The following LSP1 variants were observed in gnomAD, a reference collection of about 807,000 sequenced individuals.
The protein encoded by LSP1 is lymphocyte specific protein 1.
A neutral mutation model predicts 49.3 loss-of-function variants in LSP1; 32 were observed. The observed-to-expected ratio is 0.65, with a 90% CI of 0.49 to 0.87. LSP1 has a LOEUF of 0.87. Ranked by LOEUF, LSP1 falls within the 40% of genes least tolerant of loss-of-function variation. The probability of loss-of-function intolerance (pLI) is 0.00; values close to 1 mark genes in which losing one functional copy is unlikely to be tolerated. For missense variants in LSP1, 428 were observed against 442.6 expected (o/e 0.97, Z 0.30); for synonymous variants, 179 against 178.8 (o/e 1.00, Z -0.01).
intron 3 of LSP1, among the ~76,000 whole-genome samples, chr11:1,882,888 G>A (rs1210257946): frequency 3.3e-5 from 5 of 152,210 alleles, no homozygotes; most frequent in Non-Finnish European, 7.4e-5. Flanking sequence ...GCTGCCAGCT[G>A]GCTGGCCTCC....
chr11:1,889,693 G>T, intron 10 of LSP1: 1 of 638,942 alleles, frequency 1.6e-6, no homozygotes, highest in South Asian at 1.8e-5. Flanking sequence ...CCAGCCATCG[G>T]GGGCTCCTCC....
At chr11:1,863,791 G>A (rs1007721838) in intron 1 of LSP1, among the ~76,000 whole-genome samples, 20 of 152,278 alleles carry the variant, frequency 1.3e-4, no homozygotes, top group Non-Finnish European at 1.3e-4. Flanking sequence ...GAGGGCACCA[G>A]GCCCACTTTG....
chr11:1,855,926 A>AG (rs1169214650), intron 1 of LSP1, among the ~76,000 whole-genome samples: 1 of 152,186 alleles, frequency 6.6e-6, no homozygotes, highest in East Asian at 1.9e-4. Flanking sequence ...CCTGGTCCAC[A>AG]GCTGGGGAGG....
chr11:1,875,614 G>A (rs1848274448), intron 1 of LSP1, among the ~76,000 whole-genome samples: 3 of 152,340 alleles, frequency 2.0e-5, no homozygotes, highest in Middle Eastern at 6.8e-3. Flanking sequence ...TGCTCACTGC[G>A]GCGTCTCCCT....
At chr11:1,889,952 A>G in intron 10 of LSP1, 1 of 626,916 alleles carries the variant, frequency 1.6e-6, no homozygotes, top group South Asian at 1.9e-5. Flanking sequence ...TTGGGGTGGC[A>G]TCTCCATCCT....
At chr11:1,859,105 G>T (rs1185569105) in intron 1 of LSP1, among the ~76,000 whole-genome samples, 1 of 152,182 alleles carries the variant, frequency 6.6e-6, no homozygotes, top group African/African-American at 2.4e-5. Context: ...GGGCCGCTCT[G>T]GTGGGGCATT....
chr11:1,860,702 T>C (rs879509672), intron 1 of LSP1, among the ~76,000 whole-genome samples: 2 of 152,250 alleles, frequency 1.3e-5, no homozygotes, highest in Admixed American at 1.3e-4. Context: ...CCTGTGCATA[T>C]TGGCTGATCA....
chr11:1,869,312 C>T (rs1015048299), intron 1 of LSP1: 9 of 288,862 alleles, frequency 3.1e-5, no homozygotes, highest in Non-Finnish European at 6.2e-5. Context: ...GGTCTCTTGA[C>T]GAGAACAAAC....
intron 1 of LSP1, among the ~76,000 whole-genome samples, chr11:1,854,300 AG>A (rs1300848088): frequency 6.6e-6 from 1 of 152,130 alleles, no homozygotes; most frequent in African/African-American, 2.4e-5. Flanking sequence ...GAGGAGGCCC[AG>A]GGTGACGCTC....
chr11:1,885,437 C>T (rs1391909740), intron 7 of LSP1, among the ~76,000 whole-genome samples: 5 of 152,074 alleles, frequency 3.3e-5, no homozygotes, highest in Non-Finnish European at 7.4e-5. Context: ...ATTCAGTGCT[C>T]CTCCATTCAA....
chr11:1,861,610 G>T lies in LSP1; in HGVS notation c.53+8413G>T, dbSNP rs139223912. On this transcript the variant is annotated intron_variant, in intron 1 of 10. Coordinates refer to ENST00000311604, the MANE Select transcript of LSP1 (RefSeq NM_002339.3). ...GGTTGGATGGATGGATGAATGGATG[G>T]GTAAATGGATGGATGGATAGGTGAA... 2.8e-4 allele frequency among the ~76,000 whole-genome samples: 43 copies of T among 151,760 alleles called. No homozygotes were observed. The East Asian group carries it at 7.8e-3, about 27-fold the overall frequency.
chr11:1,870,883 G>T (rs1847968988), intron 1 of LSP1: 3 of 986,216 alleles, frequency 3.0e-6, no homozygotes, highest in Middle Eastern at 1.0e-3. Context: ...CAAGAGCTCT[G>T]CCAGGGCAGT....
At chr11:1,882,025 C>G (rs551125231) in intron 3 of LSP1, among the ~76,000 whole-genome samples, 16 of 152,266 alleles carry the variant, frequency 1.1e-4, no homozygotes, top group African/African-American at 3.6e-4. Flanking sequence ...CTTCCTCCCT[C>G]GGGGCTGGCT....
At chr11:1,857,841 G>T (rs887721736) in intron 1 of LSP1, among the ~76,000 whole-genome samples, 1 of 152,106 alleles carries the variant, frequency 6.6e-6, no homozygotes, top group Non-Finnish European at 1.5e-5. Context: ...TGGAACCTCC[G>T]CCCTCCAGGT....
chr11:1,881,045 A>G, intron 2 of LSP1: 1 of 163,044 alleles, frequency 6.1e-6, no homozygotes, highest in Non-Finnish European at 1.3e-5. Context: ...CTGACAGGGG[A>G]GGCACAGCCC....
chr11:1,889,247 C>A (rs764352352), intron 10 of LSP1: 1 of 674,088 alleles, frequency 1.5e-6, no homozygotes, highest in Non-Finnish European at 2.8e-6. Context: ...TGGCCTCCTG[C>A]AGCTTCCGGG....
intron 1 of LSP1, among the ~76,000 whole-genome samples, chr11:1,857,493 C>T (rs2133054943): frequency 6.6e-6 from 1 of 152,324 alleles, no homozygotes; most frequent in Middle Eastern, 3.4e-3. Flanking sequence ...CAGTGGTCTC[C>T]CGCTCTGAGT....
Position 1,883,425 on chromosome 11 carries a change from C to G in LSP1, c.363C>G (p.Gly121=), listed in dbSNP as rs768721040. ...CCTCCCTTTCCACCCACAGGCCCGG[C>G]CTGCATGCCTACGAAAAGGAGGACA... ...SPEGEQEDRP[G]LHAYEKEDSD... is the part of the protein sequence containing the mutation. The change falls in exon 4 of 11, where the codon GGC becomes GGG. Residue 121 remains glycine, a synonymous_variant. Transcript: ENST00000311604. 2 of 1,614,040 alleles carry G rather than the reference C, an allele frequency of 1.2e-6. No individual in the cohort carries two copies. The highest frequency in any genetic ancestry group is 2.2e-5 in the South Asian group (2 of 91,092).
chr11:1,860,132 C>T (rs2133059137), intron 1 of LSP1, among the ~76,000 whole-genome samples: 1 of 152,174 alleles, frequency 6.6e-6, no homozygotes, highest in East Asian at 1.9e-4. Flanking sequence ...GCTTATGAAC[C>T]ATGTCTTAGT....
Sources: gnomAD v4.1 joint callset for allele counts (sites outside exome capture counted in the v4.1 genomes callset) on GRCh38, gnomAD v4.1.1 for gene constraint, MANE v1.5 for transcripts, NCBI Gene and HGNC (gene_info 2026-07-23, HGNC 2026-07-21) for gene names.